Variants in XKR9 observed in about 807,000 individuals in gnomAD.
XKR9 encodes XK-related protein 9.
A neutral mutation model predicts 32.0 loss-of-function variants in XKR9; 32 were observed. The ratio of observed to expected loss-of-function variants is 1.00; its 90% CI spans 0.76 to 1.34. The LOEUF (loss-of-function observed/expected upper bound fraction) is 1.34, where lower values mean the gene tolerates loss of function less well. XKR9 is among the 40% of genes most tolerant of loss of function. The probability of loss-of-function intolerance (pLI) is 0.00; values close to 1 mark genes in which losing one functional copy is unlikely to be tolerated. For missense variants in XKR9, 546 were observed against 429.7 expected, an observed-to-expected ratio of 1.27 and a Z score of -2.39; for synonymous variants, 168 against 143.4, an observed-to-expected ratio of 1.17 and a Z score of -1.22.
chr8:70,731,476 T>C (rs915896939), intron 4 of XKR9, among the ~76,000 whole-genome samples: 2 of 152,186 alleles, frequency 1.3e-5, no homozygotes. Flanking sequence ...TATGGAACCA[T>C]AGACAAAAGA....
At chr8:70,842,973 A>G in the XKR9 span, among the ~76,000 whole-genome samples, 1 of 152,242 alleles carries the variant, frequency 6.6e-6, no homozygotes, top group Non-Finnish European at 1.5e-5. Context: ...AAGAATGGAG[A>G]CTTAAGAAAT....
chr8:70,678,505 A>G (rs970043435), intron 2 of XKR9, among the ~76,000 whole-genome samples: 5 of 152,200 alleles, frequency 3.3e-5, no homozygotes, highest in African/African-American at 4.8e-5. Context: ...AGGAAAGCCT[A>G]AAACAGCACA....
chr8:70,935,401 A>C, the XKR9 span, among the ~76,000 whole-genome samples: 1 of 151,766 alleles, frequency 6.6e-6, no homozygotes, highest in African/African-American at 2.4e-5. Context: ...ACAATTCTTC[A>C]GTGGATAGCC....
chr8:71,008,549 C>G, the XKR9 span, among the ~76,000 whole-genome samples: 1 of 152,174 alleles, frequency 6.6e-6, no homozygotes, highest in Middle Eastern at 3.2e-3. Flanking sequence ...CTTGCTCCCT[C>G]ACCACTGAAC....
chr8:70,765,217 A>G (rs952909058), intron 2 of XKR9, among the ~76,000 whole-genome samples: 2 of 152,196 alleles, frequency 1.3e-5, no homozygotes, highest in Non-Finnish European at 2.9e-5. Context: ...CAACAGTGTA[A>G]AAGCGTACCT....
At chr8:70,773,592 T>A (rs1327846946) in intron 2 of XKR9, among the ~76,000 whole-genome samples, 1 of 152,194 alleles carries the variant, frequency 6.6e-6, no homozygotes, top group African/African-American at 2.4e-5. Flanking sequence ...TGTGTATGGA[T>A]CAGACTTTGG....
At chr8:71,034,628 G>A in the XKR9 span, among the ~76,000 whole-genome samples, 1 of 152,154 alleles carries the variant, frequency 6.6e-6, no homozygotes, top group Non-Finnish European at 1.5e-5. Flanking sequence ...AGGTGCTCTG[G>A]TTGGCAGTCT....
chr8:70,877,236 C>A, the XKR9 span, among the ~76,000 whole-genome samples: 1 of 152,184 alleles, frequency 6.6e-6, no homozygotes, highest in East Asian at 1.9e-4. Flanking sequence ...CCCCATGATT[C>A]ATTTATCTCC....
At chr8:70,916,425 T>C in the XKR9 span, among the ~76,000 whole-genome samples, 1 of 152,216 alleles carries the variant, frequency 6.6e-6, no homozygotes, top group Non-Finnish European at 1.5e-5. Context: ...TATGTGTATA[T>C]GGATCTGTTT....
chr8:71,000,301 C>A, the XKR9 span, among the ~76,000 whole-genome samples: 9 of 152,070 alleles, frequency 5.9e-5, no homozygotes, highest in Non-Finnish European at 1.2e-4. Flanking sequence ...TGAGTGGGGA[C>A]AAGACATTAA....
chr8:70,750,511 C>T (rs1324233900), intron 2 of XKR9, among the ~76,000 whole-genome samples: 1 of 152,072 alleles, frequency 6.6e-6, no homozygotes, highest in Admixed American at 6.6e-5. Flanking sequence ...TTTAGTTTTT[C>T]TTGGTATCTG....
the XKR9 span, among the ~76,000 whole-genome samples, chr8:70,849,683 G>T: frequency 6.6e-6 from 1 of 152,180 alleles, no homozygotes; most frequent in Admixed American, 6.5e-5. Flanking sequence ...TCCAGGAGCT[G>T]GTTTCTTGAA....
At chr8:70,737,609 C>G (rs1426081155), downstream of XKR9, among the ~76,000 whole-genome samples, 1 of 103,114 alleles carries the variant, frequency 9.7e-6, no homozygotes, top group Non-Finnish European at 2.4e-5. Flanking sequence ...GTGGGTTTGT[C>G]ATAGATAGCT....
At chr8:70,701,156 C>T (rs758301701) in intron 3 of XKR9, among the ~76,000 whole-genome samples, 14 of 152,190 alleles carry the variant, frequency 9.2e-5, no homozygotes, top group Non-Finnish European at 1.3e-4. Flanking sequence ...GGCAATGCCT[C>T]GCCCTGCTTC....
the XKR9 span, among the ~76,000 whole-genome samples, chr8:70,929,375 T>C: frequency 5.9e-5 from 9 of 152,336 alleles, no homozygotes; most frequent in African/African-American, 2.2e-4. Context: ...CAGTGTGGCA[T>C]TGTATTACTT....
At chr8:70,711,334 T>C (rs1022899652) in intron 4 of XKR9, among the ~76,000 whole-genome samples, 2 of 152,204 alleles carry the variant, frequency 1.3e-5, no homozygotes, top group Non-Finnish European at 2.9e-5. Flanking sequence ...CAGATGTTCA[T>C]TGCAGCACTT....
the XKR9 span, among the ~76,000 whole-genome samples, chr8:70,868,293 C>A: frequency 1.1e-4 from 16 of 152,076 alleles, no homozygotes; most frequent in Middle Eastern, 3.2e-3. Context: ...CCCCACATTT[C>A]CCTTCTGCAC....
At chr8:70,885,088 C>CT in the XKR9 span, among the ~76,000 whole-genome samples, 39 of 148,930 alleles carry the variant, frequency 2.6e-4, no homozygotes, top group African/African-American at 5.9e-4. Context: ...AGATCTTATA[C>CT]TTTTTTTTTT....
chr8:70,688,435 G>A (rs1451207608), intron 3 of XKR9, among the ~76,000 whole-genome samples: 1 of 145,064 alleles, frequency 6.9e-6, no homozygotes, highest in Non-Finnish European at 1.5e-5. Context: ...TTTTTTTTTT[G>A]GGATGGAGTC....
Sources: gnomAD v4.1 joint callset for allele counts (sites outside exome capture counted in the v4.1 genomes callset) on GRCh38, gnomAD v4.1.1 for gene constraint, MANE v1.5 for transcripts, NCBI Gene and HGNC (gene_info 2026-07-23, HGNC 2026-07-21) for gene names.